The following CSMD1 variants were observed in gnomAD, a reference collection of about 807,000 sequenced individuals.
CSMD1 encodes the protein CUB and Sushi multiple domains 1.
CSMD1 carries 213 observed loss-of-function variants against 417.5 expected under a neutral mutation model. That is an observed-to-expected ratio of 0.51 (90% CI 0.46 to 0.57). The LOEUF is 0.57. Ranked by LOEUF, CSMD1 falls within the 20% of genes least tolerant of loss-of-function variation. The pLI is 0.00. For missense variants in CSMD1, 6,923 were observed against 4,529.7 expected, an observed-to-expected ratio of 1.53 and a Z score of -15.17; for synonymous variants, 2,862 against 1,736.8, an observed-to-expected ratio of 1.65 and a Z score of -16.11.
intron 5 of CSMD1, among the ~76,000 whole-genome samples, chr8:3,817,220 C>T (rs74674253): frequency 0.011 from 1,448 of 132,518 alleles, 32 homozygotes; most frequent in African/African-American, 0.038. Flanking sequence ...TGGAAAGGAT[C>T]TCCAAATCCA....
intron 6 of CSMD1, among the ~76,000 whole-genome samples, chr8:3,709,693 T>TGC (rs1563296620): frequency 1.3e-4 from 16 of 121,126 alleles, no homozygotes; most frequent in Non-Finnish European, 2.0e-4. Context: ...TTTTTTTTTT[T>TGC]TTTTTTTTTT....
intron 1 of CSMD1, among the ~76,000 whole-genome samples, chr8:4,731,065 A>G (rs921194825): frequency 1.3e-5 from 2 of 151,700 alleles, no homozygotes; most frequent in African/African-American, 4.8e-5. Flanking sequence ...GTGGGTCTTG[A>G]CTCCTGCTGA....
At chr8:3,529,525 T>C (rs1411514761) in intron 10 of CSMD1, among the ~76,000 whole-genome samples, 1 of 152,226 alleles carries the variant, frequency 6.6e-6, no homozygotes, top group Admixed American at 6.5e-5. Flanking sequence ...GGAGAAATTT[T>C]AATGCCAGAT....
chr8:4,764,872 CAA>C (rs1194894751), intron 1 of CSMD1, among the ~76,000 whole-genome samples: 22 of 50,936 alleles, frequency 4.3e-4, no homozygotes, highest in Admixed American at 1.0e-3. Context: ...GACTCCATCT[CAA>C]AAAAAAAAAA....
intron 3 of CSMD1, among the ~76,000 whole-genome samples, chr8:4,078,313 C>A (rs1043920495): frequency 6.1e-5 from 8 of 131,268 alleles, no homozygotes; most frequent in Admixed American, 1.6e-4. Flanking sequence ...TGATATCCAA[C>A]TTTTTTTTTT....
intron 3 of CSMD1, among the ~76,000 whole-genome samples, chr8:4,410,470 G>T (rs1796589798): frequency 6.6e-6 from 1 of 152,178 alleles, no homozygotes; most frequent in South Asian, 2.1e-4. Context: ...ATTTGATGGT[G>T]TTTAAATAGA....
intron 1 of CSMD1, among the ~76,000 whole-genome samples, chr8:4,957,740 T>A (rs960096343): frequency 6.6e-6 from 1 of 152,136 alleles, no homozygotes; most frequent in South Asian, 2.1e-4. Flanking sequence ...CCATTCCCCT[T>A]CTCTATAAGG....
chr8:4,742,494 A>G (rs1224997449), intron 1 of CSMD1, among the ~76,000 whole-genome samples: 3 of 152,164 alleles, frequency 2.0e-5, no homozygotes, highest in East Asian at 3.9e-4. Flanking sequence ...GCACACATAC[A>G]TATACACACA....
chr8:3,533,754 C>T (rs1585318129), intron 10 of CSMD1, among the ~76,000 whole-genome samples: 1 of 152,172 alleles, frequency 6.6e-6, no homozygotes, highest in African/African-American at 2.4e-5. Flanking sequence ...GTGCTTGAGG[C>T]ATCTCTTTTA....
At position 3,356,742 on chromosome 8, in the gene CSMD1, T is replaced by C. The variant is rs543004280; in HGVS notation, c.3304+2410A>G. ...CGCAATTACTTTTGCACCAACCTTA[T>C]AGAAAGAGCCCTGGTGCTCTGTGGG... On this transcript the variant is annotated intron_variant, in intron 21 of 69. Transcript: ENST00000635120. Among the ~76,000 whole-genome samples the C allele has an allele frequency of 4.6e-5, 7 of 152,236 alleles. No individual in the cohort carries two copies. In the East Asian group the frequency reaches 7.7e-4, roughly 17 times the overall value.
chr8:4,450,156 G>T (rs937260003), intron 2 of CSMD1, among the ~76,000 whole-genome samples: 7 of 152,046 alleles, frequency 4.6e-5, no homozygotes, highest in African/African-American at 1.7e-4. Context: ...ACCCCAAAAT[G>T]GTTGATATAC....
intron 1 of CSMD1, among the ~76,000 whole-genome samples, chr8:4,761,897 A>G (rs1431756552): frequency 2.3e-5 from 2 of 88,214 alleles, no homozygotes; most frequent in South Asian, 3.8e-4. Context: ...CTACCTACCT[A>G]TCTATCTATC....
chr8:3,426,139 C>G (rs1257635604), intron 12 of CSMD1, among the ~76,000 whole-genome samples: 2 of 152,146 alleles, frequency 1.3e-5, no homozygotes, highest in Non-Finnish European at 1.5e-5. Flanking sequence ...TTGTATTGTC[C>G]TATCCCTAAT....
intron 28 of CSMD1, among the ~76,000 whole-genome samples, chr8:3,220,928 G>T (rs1003561842): frequency 6.6e-6 from 1 of 152,112 alleles, no homozygotes; most frequent in Admixed American, 6.5e-5. Context: ...TTTCATATGT[G>T]TCTTTAAAAA....
At chr8:4,833,757 T>G (rs1312253108) in intron 1 of CSMD1, among the ~76,000 whole-genome samples, 5 of 152,192 alleles carry the variant, frequency 3.3e-5, no homozygotes, top group African/African-American at 1.2e-4. Context: ...TACATTGACT[T>G]CTATTCGTTA....
chr8:4,940,240 G>C (rs1807904408), intron 1 of CSMD1, among the ~76,000 whole-genome samples: 2 of 152,148 alleles, frequency 1.3e-5, no homozygotes, highest in Non-Finnish European at 2.9e-5. Context: ...AGAAGGACAA[G>C]AACAGAAATA....
intron 7 of CSMD1, among the ~76,000 whole-genome samples, chr8:3,668,576 G>T (rs557336556): frequency 1.3e-5 from 2 of 152,064 alleles, no homozygotes; most frequent in African/African-American, 4.8e-5. Flanking sequence ...ATCAAGCCTG[G>T]TCCTTACTAC....
intron 3 of CSMD1, among the ~76,000 whole-genome samples, chr8:4,255,852 T>C (rs951956589): frequency 2.0e-5 from 3 of 152,248 alleles, no homozygotes; most frequent in African/African-American, 7.2e-5. Context: ...TTAAGTTTAC[T>C]TCACAGACTT....
At position 3,892,626 on chromosome 8, in the gene CSMD1, T is replaced by A. The variant is rs148999908; in HGVS notation, c.818+105277A>T. On this transcript the variant is annotated intron_variant, in intron 5 of 69. Coordinates refer to ENST00000635120, the MANE Select transcript of CSMD1 (RefSeq NM_033225.6). ...ACTCCTACTTTCACTCTGGTGCACG[T>A]CAGTACTGTTGCTTGGCACGTCGTG... Among the ~76,000 whole-genome samples, 253 of 151,850 alleles carry A rather than the reference T, an allele frequency of 1.7e-3. 2 individuals are homozygous for A. Among genetic ancestry groups the A allele is most frequent in the African/African-American group, 5.7e-3 (237 of 41,410 alleles).
Sources: allele counts gnomAD v4.1 joint callset (sites outside exome capture counted in the v4.1 genomes callset), GRCh38; gene constraint gnomAD v4.1.1; transcripts MANE v1.5; gene names NCBI Gene and HGNC (gene_info 2026-07-23, HGNC 2026-07-21).